The following PEPD variants were observed in gnomAD, a reference collection of about 807,000 sequenced individuals.
The protein encoded by PEPD is xaa-Pro dipeptidase.
A neutral mutation model predicts 60.7 loss-of-function variants in PEPD; 53 were observed. That is an observed-to-expected ratio of 0.87 (90% confidence interval 0.70 to 1.10). The LOEUF (loss-of-function observed/expected upper bound fraction) is 1.10. Ranked by LOEUF, PEPD falls within the 50% of genes least tolerant of loss-of-function variation. The pLI is 0.00. For synonymous variants in PEPD, 267 were observed against 284.1 expected, an observed-to-expected ratio of 0.94 and a Z score of 0.60; for missense variants, 711 against 711.9, an observed-to-expected ratio of 1.00 and a Z score of 0.01.
chr19:33,488,696 G>A (rs1180416626), intron 6 of PEPD, among the ~76,000 whole-genome samples: 2 of 152,124 alleles, frequency 1.3e-5, no homozygotes, highest in Admixed American at 6.5e-5. Flanking sequence ...CCCTCCACCC[G>A]CCCCACTGCT....
At chr19:33,444,014 G>A (rs1969541889) in intron 9 of PEPD, among the ~76,000 whole-genome samples, 1 of 152,252 alleles carries the variant, frequency 6.6e-6, no homozygotes, top group Non-Finnish European at 1.5e-5. Context: ...CAGGCAGGGA[G>A]GGTGAGAAGA....
intron 11 of PEPD, among the ~76,000 whole-genome samples, chr19:33,403,568 T>C (rs1330291402): frequency 1.3e-5 from 2 of 152,202 alleles, no homozygotes; most frequent in Non-Finnish European, 2.9e-5. Context: ...TGGGGGGTCC[T>C]GTCCCATGGG....
intron 7 of PEPD, among the ~76,000 whole-genome samples, chr19:33,470,113 C>T (rs1174195160): frequency 6.6e-6 from 1 of 152,084 alleles, no homozygotes; most frequent in African/African-American, 2.4e-5. Context: ...CTGCTTCCCA[C>T]ATCCAATTCA....
At chr19:33,424,073 G>T (rs1378835985) in intron 9 of PEPD, among the ~76,000 whole-genome samples, 1 of 152,236 alleles carries the variant, frequency 6.6e-6, no homozygotes, top group Non-Finnish European at 1.5e-5. Flanking sequence ...CATAATAAGG[G>T]TGGTTGGGGG....
intron 5 of PEPD, 80 bp from the exon 6 acceptor site, chr19:33,490,137 G>A: frequency 2.1e-6 from 2 of 956,550 alleles, no homozygotes; most frequent in Non-Finnish European, 3.3e-6. Context: ...CTCCAGCTAG[G>A]CTCAGGACAG....
intron 7 of PEPD, among the ~76,000 whole-genome samples, chr19:33,471,760 G>A (rs144429003): frequency 2.9e-4 from 44 of 152,310 alleles, no homozygotes; most frequent in Non-Finnish European, 4.9e-4. Context: ...TTGTAATCCC[G>A]GCACCTTGGG....
At chr19:33,511,203 A>G in intron 2 of PEPD, 48 bp from the exon 3 acceptor site, 1 of 1,609,396 alleles carries the variant, frequency 6.2e-7, no homozygotes, top group South Asian at 1.1e-5. Context: ...CATGAGGTGC[A>G]AGGAGGGACC....
At chr19:33,390,443 T>C (rs1968188612) in intron 13 of PEPD, among the ~76,000 whole-genome samples, 1 of 152,336 alleles carries the variant, frequency 6.6e-6, no homozygotes, top group Non-Finnish European at 1.5e-5. Flanking sequence ...TTCCCCCCAC[T>C]GCCCCCACCC....
intron 6 of PEPD, among the ~76,000 whole-genome samples, chr19:33,481,062 C>T (rs1022540446): frequency 6.6e-6 from 1 of 151,832 alleles, no homozygotes; most frequent in Non-Finnish European, 1.5e-5. Flanking sequence ...GAAAAATTGA[C>T]AAATATGTAG....
intron 9 of PEPD, among the ~76,000 whole-genome samples, chr19:33,447,269 C>A (rs183115451): frequency 2.3e-4 from 35 of 152,350 alleles, no homozygotes; most frequent in Admixed American, 2.2e-3. Context: ...AACACTGCTG[C>A]ACCAGTGCCG....
In PEPD at chr19:33,493,302, G is replaced by A. The variant is rs1478668642; in HGVS notation, c.429C>T (p.Val143=). The A allele has an allele frequency of 6.2e-7, 1 of 1,613,220 alleles. No homozygotes were observed. The highest frequency in any genetic ancestry group is 8.5e-7 in the Non-Finnish European group (1 of 1,179,262). ...ASVLTSQKPS[V]LLTLRGVNTD... The stretch of plus-strand genomic sequence containing the variant: ...ACCAGCCACTTACCAAAGTGAGGAG[G>A]ACAGAGGGCTTCTGTGACGTCAGGA... Residue 143 remains valine, a synonymous_variant, in exon 5 of 15, where the codon GTC becomes GTT. Coordinates refer to ENST00000244137, the MANE Select transcript of PEPD (RefSeq NM_000285.4).
rs1970387551 is a variant in PEPD at position 33,485,853 on chromosome 19, A to G, written c.503+4143T>C. ...GTAAGAAATGTAAAATACTGACCAT[A>G]TACAATGGCAGGAAACGGAGCCCCT... On this transcript the variant is annotated intron_variant, in intron 6 of 14. Coordinates refer to ENST00000244137, the MANE Select transcript of PEPD (RefSeq NM_000285.4). 2.0e-5 allele frequency among the ~76,000 whole-genome samples: 3 copies of G among 152,134 alleles called. No homozygotes were observed. In the South Asian group the frequency reaches 6.2e-4, roughly 32 times the overall value.
At chr19:33,438,738 C>T (rs1407386622) in intron 9 of PEPD, among the ~76,000 whole-genome samples, 6 of 152,362 alleles carry the variant, frequency 3.9e-5, no homozygotes, top group South Asian at 2.1e-4. Context: ...CCTTTTGAGA[C>T]GGAGTCTCAT....
In PEPD at chr19:33,387,069, G is replaced by C. The variant is rs1968084959; in HGVS notation, c.*275C>G. On this transcript the variant is annotated 3_prime_UTR_variant, in exon 15 of 15. Coordinates refer to ENST00000244137, the MANE Select transcript of PEPD (RefSeq NM_000285.4). ...ATAAATGACAGCAAGACACATTTTA[G>C]TTGCTACTAAAGAACAGCATTATTT... 1 of 495,862 alleles carries C rather than the reference G, an allele frequency of 2.0e-6. No individual in the cohort carries two copies. Among genetic ancestry groups the C allele is most frequent in the Non-Finnish European group, 3.6e-6 (1 of 277,898 alleles). The allele number at this position is 495,862 out of a possible 1,614,324, so 30.7% of individuals were successfully genotyped here. A position where few individuals can be genotyped will look rare whatever the true frequency, so the allele number is the denominator to read the frequency against.
intron 1 of PEPD, among the ~76,000 whole-genome samples, chr19:33,520,557 C>A (rs1327601535): frequency 6.6e-6 from 1 of 152,194 alleles, no homozygotes; most frequent in Non-Finnish European, 1.5e-5. Context: ...CCTGTGAGTA[C>A]CTTAAGGGAA....
At chr19:33,503,003 G>A (rs1209991056) in intron 3 of PEPD, among the ~76,000 whole-genome samples, 1 of 151,706 alleles carries the variant, frequency 6.6e-6, no homozygotes, top group Non-Finnish European at 1.5e-5. Flanking sequence ...GAACCCCACG[G>A]AACACGGTGG....
intron 3 of PEPD, among the ~76,000 whole-genome samples, chr19:33,508,608 G>T (rs929526173): frequency 2.6e-5 from 4 of 152,180 alleles, no homozygotes; most frequent in African/African-American, 7.2e-5. Flanking sequence ...TGCTGCTGGC[G>T]GCTGGGGTCC....
intron 9 of PEPD, among the ~76,000 whole-genome samples, chr19:33,440,042 T>C (rs970602060): frequency 4.6e-5 from 7 of 152,156 alleles, no homozygotes; most frequent in African/African-American, 1.7e-4. Flanking sequence ...GATTTGACAC[T>C]GGCTTTTCCT....
intron 1 of PEPD, among the ~76,000 whole-genome samples, chr19:33,515,474 C>T (rs3786922): frequency 0.097 from 14,716 of 152,026 alleles, 739 homozygotes; most frequent in East Asian, 0.15. Flanking sequence ...GGTGAGAGTT[C>T]GTAAACATGA....
Sources: allele counts gnomAD v4.1 joint callset (sites outside exome capture counted in the v4.1 genomes callset), GRCh38; gene constraint gnomAD v4.1.1; transcripts MANE v1.5; gene names NCBI Gene and HGNC (gene_info 2026-07-23, HGNC 2026-07-21).